The following PTBP1 variants were observed in gnomAD, a reference collection of about 807,000 sequenced individuals.
The protein encoded by PTBP1 is polypyrimidine tract-binding protein 1.
A neutral mutation model predicts 59.8 loss-of-function variants in PTBP1; 8 were observed. The ratio of observed to expected loss-of-function variants is 0.13; its 90% CI spans 0.08 to 0.24. PTBP1 has a LOEUF of 0.24. Among genes scored for constraint, PTBP1 ranks in the 10% least tolerant of loss-of-function variants. The pLI is 1.00. For missense variants in PTBP1, 686 were observed against 767.0 expected, an observed-to-expected ratio of 0.89 and a Z score of 1.25; for synonymous variants, 490 against 320.7, an observed-to-expected ratio of 1.53 and a Z score of -5.64.
chr19:803,966 G>A (rs1465062392), intron 3 of PTBP1, 70 bp from the exon 4 acceptor site: 5 of 1,575,856 alleles, frequency 3.2e-6, no homozygotes, highest in African/African-American at 2.7e-5. Flanking sequence ...GGCTCTAGGG[G>A]GATAGCAGGG....
chr19:808,316 G>A lies in PTBP1; in HGVS notation c.1154-44G>A. ...CCGGGGCTGACGGGGAGATGGGCGG[G>A]GCAGGCAGCAGGAGACTCAGGCCCC... On this transcript the variant is annotated intron_variant, in intron 11 of 14. Coordinates refer to ENST00000356948, the MANE Select transcript of PTBP1 (RefSeq NM_002819.5). This position sits in a 1 kb window ranked among gnomAD's most constrained non-coding sequence, Gnocchi z 4.7. The A allele has an allele frequency of 6.7e-7, 1 of 1,481,934 alleles. No individual in the cohort carries two copies. The highest frequency in any genetic ancestry group is 9.2e-7 in the Non-Finnish European group (1 of 1,082,672). 91.8% of individuals were successfully genotyped at this position (1,481,934 alleles called of 1,614,324 possible).
intron 2 of PTBP1, among the ~76,000 whole-genome samples, chr19:800,571 C>G (rs2034288119): frequency 6.6e-6 from 1 of 152,190 alleles, no homozygotes; most frequent in Admixed American, 6.5e-5. Context: ...TGGTGGCGTC[C>G]TGAGCCAGCA....
chr19:806,300 T>C, intron 9 of PTBP1, 108 bp from the exon 10 acceptor site: 8 of 1,288,064 alleles, frequency 6.2e-6, no homozygotes, highest in Non-Finnish European at 8.2e-6. Flanking sequence ...CAGGGCCGCC[T>C]CCCGCGCGGC....
At chr19:799,392 C>T (rs62131332) in intron 1 of PTBP1, 21 bp from the exon 2 acceptor site, 90,461 of 1,612,706 alleles carry the variant, frequency 0.056, 3,034 homozygotes, top group Middle Eastern at 0.14. Context: ...CTAACGTTGT[C>T]TCCTTTCTTT....
In PTBP1 at chr19:808,054, T is replaced by G. The variant is rs2034659684; in HGVS notation, c.1153+152T>G. On this transcript the variant is annotated intron_variant, in intron 11 of 14. Transcript: ENST00000356948. The surrounding 1 kb of genome is among the most constrained non-coding windows in gnomAD (Gnocchi z 4.7). ...TTTGCTTTCGGTTTGCGAATTTTATTTGGTCCCGTAGATACGTACGCATGG... is the reference window on the plus strand; with the variant it reads ...TTTGCTTTCGGTTTGCGAATTTTATGTGGTCCCGTAGATACGTACGCATGG... 2 of 759,754 alleles carry G rather than the reference T, an allele frequency of 2.6e-6. No homozygotes were observed. Among genetic ancestry groups the G allele is most frequent in the Admixed American group, 2.1e-5 (1 of 48,556 alleles). 47.1% of individuals were successfully genotyped at this position (759,754 alleles called of 1,614,324 possible).
intron 1 of PTBP1, 126 bp from the exon 2 acceptor site, chr19:799,287 C>T: frequency 1.1e-6 from 1 of 870,932 alleles, no homozygotes; most frequent in Non-Finnish European, 2.0e-6. Flanking sequence ...CTCGTGCAGC[C>T]AGAGGGAGCC....
At position 804,957 on chromosome 19, in the gene PTBP1, G is replaced by A; in HGVS notation, c.717+18G>A. The A allele has an allele frequency of 1.2e-6, 2 of 1,612,716 alleles. No individual in the cohort carries two copies. The highest frequency in any genetic ancestry group is 1.7e-6 in the Non-Finnish European group (2 of 1,179,180). On this transcript the variant is annotated intron_variant, in intron 7 of 14. Transcript: ENST00000356948. ...CCAAGCTGGTGAGTGGGGCTCCCGGGACGGCGCCCGCCCTGGCCCTGGCCC... is the reference window on the plus strand; with the variant it reads ...CCAAGCTGGTGAGTGGGGCTCCCGGAACGGCGCCCGCCCTGGCCCTGGCCC...
chr19:804,121 C>A lies in PTBP1; in HGVS notation c.201C>A (p.Pro67=). 1 of 1,613,976 alleles carries A rather than the reference C, an allele frequency of 6.2e-7. No individual in the cohort carries two copies. The highest frequency in any genetic ancestry group is 8.5e-7 in the Non-Finnish European group (1 of 1,179,928). The change falls in exon 4 of 15, where the codon CCC becomes CCA. Residue 67 remains proline, a synonymous_variant. Transcript: ENST00000356948. ...GAGTGATCCACATCCGGAAGCTCCC[C>A]ATCGACGTCACGGAGGGGGAAGTCA... The part of the protein sequence containing the change: ...PSRVIHIRKL[P]IDVTEGEVIS...
intron 3 of PTBP1, 118 bp from the exon 4 acceptor site, chr19:803,918 C>G: frequency 8.1e-7 from 1 of 1,235,972 alleles, no homozygotes; most frequent in Admixed American, 2.0e-5. Context: ...TTCACATGCA[C>G]CCTCCTGGGG....
chr19:803,644 C>T lies in PTBP1; in HGVS notation c.115+8C>T, dbSNP rs767229599. 46 of 1,613,196 alleles carry T rather than the reference C, an allele frequency of 2.9e-5. No individual in the cohort carries two copies. The highest frequency in any genetic ancestry group is 2.5e-4 in the South Asian group (23 of 91,058). Reference sequence around the variant, plus strand: ...GCAACTCGGCTTCTGCAGGTAAGGCCGGGACTCGGCCCAGGGCAAGACCCG... The same window carrying T: ...GCAACTCGGCTTCTGCAGGTAAGGCTGGGACTCGGCCCAGGGCAAGACCCG... On this transcript the variant is annotated splice_region_variant and intron_variant, in intron 3 of 14. Transcript: ENST00000356948.
At chr19:799,876 G>T (rs1210644854) in intron 2 of PTBP1, among the ~76,000 whole-genome samples, 1 of 152,116 alleles carries the variant, frequency 6.6e-6, no homozygotes, top group Non-Finnish European at 1.5e-5. Flanking sequence ...TATTTGAGTG[G>T]CTAGGATGGG....
At position 808,475 on chromosome 19, in the gene PTBP1, G is replaced by T; in HGVS notation, c.1246+23G>T. 1 of 1,573,786 alleles carries T rather than the reference G, an allele frequency of 6.4e-7. No individual in the cohort carries two copies. Among genetic ancestry groups the T allele is most frequent in the Non-Finnish European group, 8.6e-7 (1 of 1,161,116 alleles). On this transcript the variant is annotated intron_variant, in intron 12 of 14. Coordinates refer to ENST00000356948, the MANE Select transcript of PTBP1 (RefSeq NM_002819.5). This position sits in a 1 kb window ranked among gnomAD's most constrained non-coding sequence, Gnocchi z 4.7. ...TGGGTAAGAGGCCGGGGCGGCCCCG[G>T]GGTGGAGGGGGCAGGGGCGGGGGCT... is the stretch of plus-strand genomic sequence containing the variant.
rs1420810709 is a variant in PTBP1, at chr19:806,191, G to A, written c.971-217G>A. The A allele has an allele frequency of 6.1e-6, 3 of 490,662 alleles. 1 individual carries two copies. In the South Asian group the frequency reaches 9.2e-5, roughly 15 times the overall value. 30.4% of individuals were successfully genotyped at this position (490,662 alleles called of 1,614,324 possible). On this transcript the variant is annotated intron_variant, in intron 9 of 14. Coordinates refer to ENST00000356948, the MANE Select transcript of PTBP1 (RefSeq NM_002819.5). The stretch of plus-strand genomic sequence containing the variant: ...ATGCAGATGAGCCCAGGCCCGGCCC[G>A]GCCCGTGCTGTGAGGAGAGGCGGGC...
At chr19:799,347 C>T (rs773862798) in intron 1 of PTBP1, 66 bp from the exon 2 acceptor site, 2 of 1,498,854 alleles carry the variant, frequency 1.3e-6, no homozygotes, top group Non-Finnish European at 1.9e-6. Flanking sequence ...GGCCCGGGGA[C>T]AGCTGGGTGC....
At chr19:805,641 C>G in intron 9 of PTBP1, 72 bp downstream of exon 9, 1 of 1,344,280 alleles carries the variant, frequency 7.4e-7, no homozygotes, top group Non-Finnish European at 1.1e-6. Context: ...GCTCCGCATC[C>G]ACGGCGGCAG....
chr19:801,725 A>G (rs968140485), intron 2 of PTBP1, among the ~76,000 whole-genome samples: 3 of 152,162 alleles, frequency 2.0e-5, no homozygotes, highest in East Asian at 1.9e-4. Context: ...CCTGCGTCTC[A>G]GGTGCACCCA....
chr19:805,629 C>T, intron 9 of PTBP1, 60 bp downstream of exon 9: 2 of 1,419,938 alleles, frequency 1.4e-6, no homozygotes, highest in Non-Finnish European at 2.0e-6. Context: ...CCTTCCCAGG[C>T]AGCTCCGCAT....
intron 1 of PTBP1, among the ~76,000 whole-genome samples, chr19:798,853 C>A (rs8108370): frequency 0.014 from 2,179 of 152,340 alleles, 50 homozygotes; most frequent in African/African-American, 0.049. Context: ...TCGGGTTGAT[C>A]AGTAACTGAG....
At chr19:806,662 C>A in intron 10 of PTBP1, 106 bp downstream of exon 10, 1 of 1,146,670 alleles carries the variant, frequency 8.7e-7, no homozygotes, top group Non-Finnish European at 1.2e-6. Context: ...GCTGTGTCTG[C>A]GCCTCTGCCC....
Sources: allele counts gnomAD v4.1 joint callset (sites outside exome capture counted in the v4.1 genomes callset), GRCh38; gene constraint gnomAD v4.1.1; non-coding constraint Gnocchi (gnomAD v3.1); transcripts MANE v1.5; gene names NCBI Gene and HGNC (gene_info 2026-07-23, HGNC 2026-07-21).